The following PHKB variants were observed in gnomAD, a reference collection of about 807,000 sequenced individuals.
PHKB encodes phosphorylase b kinase regulatory subunit beta.
Under a neutral mutation model 152.1 loss-of-function variants are expected in PHKB, and 122 were observed. The observed-to-expected ratio is 0.80, with a 90% CI of 0.69 to 0.93. PHKB has a LOEUF of 0.93. PHKB is among the 40% of genes least tolerant of loss of function. The probability of loss-of-function intolerance (pLI) is 0.00; values close to 1 mark genes in which losing one functional copy is unlikely to be tolerated. For missense variants in PHKB, 1,304 were observed against 1,328.4 expected (o/e 0.98, Z 0.29); for synonymous variants, 436 against 464.9 (o/e 0.94, Z 0.80).
At chr16:47,572,400 C>T (rs1971676486) in intron 7 of PHKB, among the ~76,000 whole-genome samples, 2 of 152,200 alleles carry the variant, frequency 1.3e-5, no homozygotes, top group Non-Finnish European at 2.9e-5. Context: ...AGCCCTCTCC[C>T]TGTAACACTC....
intron 26 of PHKB, among the ~76,000 whole-genome samples, chr16:47,681,545 G>T (rs1973856047): frequency 1.3e-5 from 2 of 151,648 alleles, no homozygotes; most frequent in South Asian, 4.2e-4. Flanking sequence ...TGTCTCTTTT[G>T]ATCTTTGTTG....
chr16:47,535,431 A>C (rs763625656), intron 6 of PHKB, among the ~76,000 whole-genome samples: 6 of 152,154 alleles, frequency 3.9e-5, no homozygotes, highest in Non-Finnish European at 8.8e-5. Context: ...CTCCATAATA[A>C]ATTTCTTGTT....
intron 14 of PHKB, among the ~76,000 whole-genome samples, chr16:47,632,461 T>G (rs1310512612): frequency 5.3e-5 from 8 of 152,200 alleles, no homozygotes; most frequent in Admixed American, 5.2e-4. Context: ...AATTATTAAC[T>G]AGAAAAAGGT....
At chr16:47,607,022 C>T (rs1428484384) in intron 13 of PHKB, among the ~76,000 whole-genome samples, 2 of 152,260 alleles carry the variant, frequency 1.3e-5, no homozygotes, top group African/African-American at 2.4e-5. Context: ...CATAAAAAAA[C>T]GCCCCTTCTC....
chr16:47,549,011 C>CT (rs1267780299), intron 7 of PHKB, among the ~76,000 whole-genome samples: 2 of 151,952 alleles, frequency 1.3e-5, no homozygotes, highest in East Asian at 3.9e-4. Context: ...ACGTGGAAAC[C>CT]TTTTTCTTTA....
rs774544575 is a variant in PHKB at position 47,497,431 on chromosome 16, C to T, written c.109C>T (p.Leu37Phe). 1.9e-6 allele frequency: 3 copies of T among 1,608,588 alleles called. No individual in the cohort carries two copies. The highest frequency in any genetic ancestry group is 2.5e-6 in the Non-Finnish European group (3 of 1,177,210). ...TTATGAACCTCTTAAAAGCATTAAT[C>T]TTCCAAGACCTGATAATGAAACTCT... The part of the protein sequence containing the change: ...SVYEPLKSIN[L>F]PRPDNETLWD... The change falls in exon 2 of 31, where the codon CTT becomes TTT. Residue 37 changes from leucine (L) to phenylalanine (F), a missense_variant. By Grantham distance (22) the Leu-to-Phe change is conservative (BLOSUM62 0). Coordinates refer to ENST00000323584, the MANE Select transcript of PHKB (RefSeq NM_000293.3).
At chr16:47,552,853 A>C (rs1971298029) in intron 7 of PHKB, among the ~76,000 whole-genome samples, 1 of 152,234 alleles carries the variant, frequency 6.6e-6, no homozygotes, top group East Asian at 1.9e-4. Flanking sequence ...AGAATGTTGA[A>C]TATTGATCCC....
intron 26 of PHKB, among the ~76,000 whole-genome samples, chr16:47,680,939 G>T (rs1342770139): frequency 6.6e-6 from 1 of 152,092 alleles, no homozygotes. Context: ...ACCCTGCTTT[G>T]AATGTGTCCC....
At chr16:47,682,874 T>A (rs1334480721) in intron 26 of PHKB, among the ~76,000 whole-genome samples, 1 of 152,196 alleles carries the variant, frequency 6.6e-6, no homozygotes, top group Non-Finnish European at 1.5e-5. Flanking sequence ...CTGCTCCATT[T>A]TTTTCCCCAT....
chr16:47,686,405 G>A (rs1973965799), intron 26 of PHKB, among the ~76,000 whole-genome samples: 4 of 152,164 alleles, frequency 2.6e-5, no homozygotes, highest in Admixed American at 2.6e-4. Flanking sequence ...TTAAAAATTT[G>A]CATTACCTTC....
chr16:47,505,536 G>A (rs187989987), intron 4 of PHKB: 13 of 152,284 alleles, frequency 8.5e-5, no homozygotes, highest in Admixed American at 4.6e-4. Flanking sequence ...ATAGCACAAG[G>A]GCTGGTACCG....
Position 47,521,643 on chromosome 16 carries a change from G to A in PHKB, c.594+6042G>A, listed in dbSNP as rs187431816. On this transcript the variant is annotated intron_variant, in intron 6 of 30. Coordinates refer to ENST00000323584, the MANE Select transcript of PHKB (RefSeq NM_000293.3). Reference sequence around the variant, plus strand: ...GCCCTCCAGCCTGGGAAACAAGAGCGAAACTACGTCTCAAAAAAAAAAAAG... The same window carrying A: ...GCCCTCCAGCCTGGGAAACAAGAGCAAAACTACGTCTCAAAAAAAAAAAAG... Among the ~76,000 whole-genome samples, 1,355 of 149,820 alleles carry A rather than the reference G, an allele frequency of 9.0e-3. 11 individuals are homozygous for A. Among genetic ancestry groups the A allele is most frequent in the Non-Finnish European group, 0.013 (907 of 67,398 alleles).
Position 47,580,321 on chromosome 16 carries a change from T to G in PHKB, c.737T>G (p.Leu246Arg). The G allele has an allele frequency of 6.2e-7, 1 of 1,613,012 alleles. No individual in the cohort carries two copies. Among genetic ancestry groups the G allele is most frequent in the South Asian group, 1.1e-5 (1 of 91,040 alleles). The part of the protein sequence containing the change: ...SSSVGLAKAA[L>R]EAINGFNLFG... ...TCGGTTGGTTTAGCAAAAGCAGCTC[T>G]AGAAGCAATTAATGGATTCAACCTT... The change falls in exon 8 of 31, where the codon CTA becomes CGA. Residue 246 changes from leucine (L) to arginine (R), a missense_variant. Transcript: ENST00000323584.
At chr16:47,649,304 G>T in intron 18 of PHKB, 100 bp downstream of exon 18, 2 of 768,848 alleles carry the variant, frequency 2.6e-6, no homozygotes, top group Non-Finnish European at 4.8e-6. Context: ...TGTGACACTG[G>T]GTTAACACAG....
chr16:47,462,559 G>GGGAGGC (rs1233670279), intron 1 of PHKB: 1 of 152,058 alleles, frequency 6.6e-6, no homozygotes, highest in African/African-American at 2.4e-5. Flanking sequence ...GCTTGAACCT[G>GGGAGGC]GGAGGCGGAG....
chr16:47,657,992 T>C (rs1009106597), intron 20 of PHKB, among the ~76,000 whole-genome samples: 6 of 152,192 alleles, frequency 3.9e-5, no homozygotes, highest in African/African-American at 9.7e-5. Flanking sequence ...TAAAACAGTC[T>C]GTTCATGCTC....
intron 6 of PHKB, among the ~76,000 whole-genome samples, chr16:47,540,717 C>T (rs1971040112): frequency 6.6e-6 from 1 of 151,718 alleles, no homozygotes; most frequent in Non-Finnish European, 1.5e-5. Flanking sequence ...GAGAAATAAT[C>T]ACACGTATTT....
At chr16:47,686,957 CT>C (rs1162024710) in intron 26 of PHKB, among the ~76,000 whole-genome samples, 1 of 152,134 alleles carries the variant, frequency 6.6e-6, no homozygotes, top group African/African-American at 2.4e-5. Context: ...CCCGAAATGA[CT>C]TTTTACAGTT....
chr16:47,474,063 G>A (rs1315722976), intron 1 of PHKB, among the ~76,000 whole-genome samples: 1 of 151,758 alleles, frequency 6.6e-6, no homozygotes, highest in East Asian at 1.9e-4. Context: ...TCTGATATAT[G>A]TCATATATGC....
Sources: allele counts gnomAD v4.1 joint callset (sites outside exome capture counted in the v4.1 genomes callset), GRCh38; gene constraint gnomAD v4.1.1; transcripts MANE v1.5; gene names NCBI Gene and HGNC (gene_info 2026-07-23, HGNC 2026-07-21).